DENND1B: variants seen among roughly 807,000 people sequenced by gnomAD.
DENND1B encodes the protein DENN domain-containing protein 1B.
Under a neutral mutation model 90.1 loss-of-function variants are expected in DENND1B, and 59 were observed. The observed-to-expected ratio is 0.65, with a 90% confidence interval of 0.53 to 0.81. DENND1B has a LOEUF of 0.81. Among genes scored for constraint, DENND1B ranks in the 40% least tolerant of loss-of-function variants. The pLI, the probability that DENND1B is intolerant of heterozygous loss-of-function variation, is 0.00. For synonymous variants in DENND1B, 337 were observed against 324.6 expected (o/e 1.04, Z -0.41); for missense variants, 862 against 912.6 (o/e 0.94, Z 0.71).
chr1:197,625,248 T>G (rs1165702422), intron 10 of DENND1B, among the ~76,000 whole-genome samples: 1 of 152,054 alleles, frequency 6.6e-6, no homozygotes, highest in African/African-American at 2.4e-5. Context: ...GAAAAAATGT[T>G]AAGGGCAGCC....
intron 16 of DENND1B, among the ~76,000 whole-genome samples, chr1:197,548,581 G>GTAT: frequency 6.6e-6 from 1 of 152,240 alleles, no homozygotes; most frequent in African/African-American, 2.4e-5. Flanking sequence ...CTATGATGAT[G>GTAT]TATTATTCAG....
intron 3 of DENND1B, among the ~76,000 whole-genome samples, chr1:197,702,883 G>A (rs1429866255): frequency 6.6e-6 from 1 of 152,146 alleles, no homozygotes; most frequent in East Asian, 1.9e-4. Context: ...ACTAAACTAG[G>A]GGCAACAGTG....
intron 3 of DENND1B, among the ~76,000 whole-genome samples, chr1:197,706,466 A>G (rs1659546822): frequency 6.6e-6 from 1 of 152,224 alleles, no homozygotes; most frequent in African/African-American, 2.4e-5. Flanking sequence ...GGCACAGCCA[A>G]AGGAACAACC....
intron 13 of DENND1B, among the ~76,000 whole-genome samples, chr1:197,602,235 T>C (rs1676276071): frequency 6.6e-6 from 1 of 151,574 alleles, no homozygotes; most frequent in African/African-American, 2.4e-5. Context: ...TTACAAAAGA[T>C]AAAAGAAGTG....
intron 2 of DENND1B, chr1:197,735,704 G>GTCT (rs778700656): frequency 1.2e-6 from 2 of 1,613,922 alleles, no homozygotes; most frequent in Admixed American, 3.3e-5. Flanking sequence ...GCTACGCCAG[G>GTCT]ACCGACAGGA....
intron 14 of DENND1B, among the ~76,000 whole-genome samples, chr1:197,593,508 G>A (rs1675423380): frequency 6.6e-6 from 1 of 151,630 alleles, no homozygotes. Context: ...TTCACAGATA[G>A]TAACAATATG....
intron 12 of DENND1B, among the ~76,000 whole-genome samples, chr1:197,609,230 G>A (rs559538767): frequency 6.6e-6 from 1 of 150,698 alleles, no homozygotes; most frequent in Non-Finnish European, 1.5e-5. Flanking sequence ...AAGAACAACT[G>A]TAAGGTGGTG....
chr1:197,660,998 G>A (rs76953864), intron 5 of DENND1B, among the ~76,000 whole-genome samples: 2,799 of 152,194 alleles, frequency 0.018, 82 homozygotes, highest in African/African-American at 0.063. Context: ...GGCTCTAGGA[G>A]GGAGATGCTG....
intron 5 of DENND1B, 148 bp downstream of exon 5, chr1:197,671,889 A>C: frequency 1.4e-6 from 1 of 733,014 alleles, no homozygotes; most frequent in Non-Finnish European, 2.0e-6. Context: ...CTTTAAACTT[A>C]ACTGATTCTG....
intron 13 of DENND1B, 51 bp downstream of exon 13, chr1:197,607,022 A>G: frequency 1.5e-6 from 2 of 1,338,814 alleles, no homozygotes; most frequent in South Asian, 1.2e-5. Context: ...AGTAATTCAG[A>G]GGTCCAGGAG....
At chr1:197,576,019 A>G (rs192748051) in intron 15 of DENND1B, among the ~76,000 whole-genome samples, 13 of 152,304 alleles carry the variant, frequency 8.5e-5, no homozygotes, top group African/African-American at 2.9e-4. Context: ...AACATGGCAC[A>G]TGTATACCTA....
intron 3 of DENND1B, among the ~76,000 whole-genome samples, 153 bp from the exon 4 acceptor site, chr1:197,674,322 T>C (rs991076096): frequency 2.6e-5 from 4 of 152,204 alleles, no homozygotes; most frequent in African/African-American, 9.6e-5. Flanking sequence ...TAATTGATTA[T>C]TAAAAAGGAA....
intron 15 of DENND1B, among the ~76,000 whole-genome samples, chr1:197,562,771 A>G (rs1672280133): frequency 6.6e-6 from 1 of 152,012 alleles, no homozygotes; most frequent in African/African-American, 2.4e-5. Flanking sequence ...ACAGCCTGAA[A>G]GCCAGGCCTC....
intron 15 of DENND1B, among the ~76,000 whole-genome samples, chr1:197,553,490 A>C (rs1489264026): frequency 6.6e-6 from 1 of 152,088 alleles, no homozygotes; most frequent in East Asian, 1.9e-4. Context: ...CCATTTACCC[A>C]TGGGGCTCTG....
Position 197,583,181 on chromosome 1 carries a change from T to C in DENND1B, c.1120A>G (p.Thr374Ala). Residue 374 changes from threonine (T) to alanine (A), a missense_variant, in exon 15 of 23, where the codon ACT becomes GCT. Thr to Ala is a moderately conservative substitution (Grantham distance 58). Transcript: ENST00000620048. ...TTAAAAAGCTGGAGGTTAATGGCAG[T>C]TTCCAGGAACTGTTTCATCACGCTT... ...RSSVMKQFLE[T>A]AINLQLFKQF... 1 of 1,613,838 alleles carries C rather than the reference T, an allele frequency of 6.2e-7. No homozygotes were observed. Among genetic ancestry groups the C allele is most frequent in the Admixed American group, 1.7e-5 (1 of 59,990 alleles).
At position 197,505,998 on chromosome 1, in the gene DENND1B, A is replaced by C. The variant is rs921730631; in HGVS notation, c.*4462T>G. On this transcript the variant is annotated 3_prime_UTR_variant, in exon 23 of 23. Transcript: ENST00000620048. ...TGAGGCAGTTAGTTATGATACAACAACACAATATCCATAATAATTTTAAAT... is the reference window on the plus strand; with the variant it reads ...TGAGGCAGTTAGTTATGATACAACACCACAATATCCATAATAATTTTAAAT... 4.6e-5 allele frequency: 7 copies of C among 151,574 alleles called. No homozygotes were observed. The highest frequency in any genetic ancestry group is 1.7e-4 in the African/African-American group (7 of 41,374). The allele number at this position is 151,574 out of a possible 1,614,324, so 9.4% of individuals were successfully genotyped here. A position where few individuals can be genotyped will look rare whatever the true frequency, so the allele number is the denominator to read the frequency against.
chr1:197,734,828 C>T (rs1571548546), intron 2 of DENND1B: 2 of 983,846 alleles, frequency 2.0e-6, no homozygotes, highest in Admixed American at 6.2e-5. Flanking sequence ...ACAAACTTAA[C>T]AAAAGAAATA....
intron 2 of DENND1B, among the ~76,000 whole-genome samples, chr1:197,766,477 G>T (rs528072927): frequency 6.6e-6 from 1 of 152,276 alleles, no homozygotes; most frequent in African/African-American, 2.4e-5. Context: ...TTAGAGTTTT[G>T]TTGGGTTTTA....
intron 2 of DENND1B, among the ~76,000 whole-genome samples, chr1:197,767,601 G>A (rs977703963): frequency 6.6e-6 from 1 of 152,098 alleles, no homozygotes; most frequent in African/African-American, 2.4e-5. Context: ...AAGGAATAAA[G>A]AAAACAAGAC....
Sources: allele counts gnomAD v4.1 joint callset (sites outside exome capture counted in the v4.1 genomes callset), GRCh38; gene constraint gnomAD v4.1.1; transcripts MANE v1.5; gene names NCBI Gene and HGNC (gene_info 2026-07-23, HGNC 2026-07-21).